PRDM7: variants seen among roughly 807,000 people sequenced by gnomAD.
PRDM7 encodes the protein histone-lysine N-methyltransferase PRDM7.
A neutral mutation model predicts 64.3 loss-of-function variants in PRDM7; 52 were observed. The ratio of observed to expected loss-of-function variants is 0.81; its 90% CI spans 0.65 to 1.02. The LOEUF (loss-of-function observed/expected upper bound fraction) is 1.02, where lower values mean the gene tolerates loss of function less well. Ranked by LOEUF, PRDM7 falls within the 50% of genes least tolerant of loss-of-function variation. The pLI is 0.00. For missense variants in PRDM7, 574 were observed against 597.1 expected (o/e 0.96, Z 0.40); for synonymous variants, 192 against 210.1 (o/e 0.91, Z 0.74).
chr16:90,068,321 C>T (rs2037906918), intron 4 of PRDM7, among the ~76,000 whole-genome samples: 1 of 149,720 alleles, frequency 6.7e-6, no homozygotes, highest in Non-Finnish European at 1.5e-5. Context: ...AAAGATTTTA[C>T]CAAAAAATTG....
rs1555656350 is a variant in PRDM7, at chr16:90,063,644, C to T, written c.476G>A (p.Ser159Asn). ...QKPVSPPGEASTSGQHSRLKL... is the reference protein window; with the variant it reads ...QKPVSPPGEANTSGQHSRLKL... ...TAGTCTAGAGTGCTGTCCAGAGGTA[C>T]TTGCTTCTCCAGGAGGGGACACTGG... The change falls in exon 6 of 11, where the codon AGT (serine) becomes AAT (asparagine). Residue 159 changes from serine (S) to asparagine (N), a missense_variant. Coordinates refer to ENST00000449207, the MANE Select transcript of PRDM7 (RefSeq NM_001098173.2). 7 of 1,613,764 alleles carry T rather than the reference C, an allele frequency of 4.3e-6. No homozygotes were observed. In the African/African-American group the frequency reaches 9.3e-5, roughly 22 times the overall value.
rs1243690335 is a variant in PRDM7 at position 90,057,480 on chromosome 16, C to T, written c.*809G>A. The T allele has an allele frequency of 1.6e-5, 3 of 185,670 alleles. No homozygotes were observed. The highest frequency in any genetic ancestry group is 3.4e-5 in the Non-Finnish European group (3 of 89,308). The allele number at this position is 185,670 out of a possible 1,614,324, so 11.5% of individuals were successfully genotyped here. A position where few individuals can be genotyped will look rare whatever the true frequency, so the allele number is the denominator to read the frequency against. ...TTCTCTGTGGCCCTTCTGGACTCTT[C>T]CTTCCTTCAGTGATAAGGGAAGAAT... is the stretch of plus-strand genomic sequence containing the variant. On this transcript the variant is annotated 3_prime_UTR_variant, in exon 11 of 11. Transcript: ENST00000449207.
intron 4 of PRDM7, among the ~76,000 whole-genome samples, chr16:90,068,943 G>T (rs1037444306): frequency 6.6e-6 from 1 of 151,214 alleles, no homozygotes; most frequent in Non-Finnish European, 1.5e-5. Context: ...CTATCAAAAT[G>T]ATTTATAGAT....
chr16:90,073,525 G>T (rs1466069649), intron 4 of PRDM7, among the ~76,000 whole-genome samples: 2 of 151,490 alleles, frequency 1.3e-5, no homozygotes, highest in Non-Finnish European at 2.9e-5. Flanking sequence ...TCAGCCTCCT[G>T]AGTAGCTGGG....
At chr16:90,070,930 A>G (rs1159575306) in intron 4 of PRDM7, among the ~76,000 whole-genome samples, 1 of 152,254 alleles carries the variant, frequency 6.6e-6, no homozygotes, top group African/African-American at 2.4e-5. Context: ...AAATATGCTT[A>G]ACATCACTAA....
rs997460639 is a variant in PRDM7, at chr16:90,067,244, G to A, written c.302-334C>T. On this transcript the variant is annotated intron_variant, in intron 4 of 10. Coordinates refer to ENST00000449207, the MANE Select transcript of PRDM7 (RefSeq NM_001098173.2). ...GACTCCCAAAGTGCTGAGATTACAG[G>A]CGTGAGCCACTATGCTTGGCCTAAC... Among the ~76,000 whole-genome samples, 11 of 151,158 alleles carry A rather than the reference G, an allele frequency of 7.3e-5. 1 individual carries two copies. The highest frequency in any genetic ancestry group is 2.7e-4 in the African/African-American group (11 of 40,588).
At chr16:90,068,100 A>G (rs2037904184) in intron 4 of PRDM7, among the ~76,000 whole-genome samples, 1 of 150,894 alleles carries the variant, frequency 6.6e-6, no homozygotes, top group Non-Finnish European at 1.5e-5. Context: ...AGATGACATG[A>G]TCTTACATGC....
intron 5 of PRDM7, 75 bp from the exon 6 acceptor site, chr16:90,063,843 T>C (rs1032624854): frequency 1.3e-6 from 2 of 1,538,470 alleles, no homozygotes; most frequent in Admixed American, 1.9e-5. Context: ...CATGTTTTCA[T>C]ATGACTGTAG....
intron 7 of PRDM7, 34 bp downstream of exon 7, chr16:90,062,367 G>A (rs2037795546): frequency 4.3e-6 from 7 of 1,613,744 alleles, no homozygotes; most frequent in African/African-American, 1.3e-5. Flanking sequence ...GGACATAACA[G>A]CAAGCTGTGT....
rs2037710114 is a variant in PRDM7 at position 90,058,049 on chromosome 16, T to C, written c.*240A>G. ...TAGGGCTTCCCCCCTGTGTGTGTCC[T>C]TTGGTGTGTAATAACATCTGACTTA... On this transcript the variant is annotated 3_prime_UTR_variant, in exon 11 of 11. Transcript: ENST00000449207. 1.9e-6 allele frequency: 3 copies of C among 1,612,238 alleles called. No homozygotes were observed. Among genetic ancestry groups the C allele is most frequent in the Non-Finnish European group, 2.5e-6 (3 of 1,178,686 alleles).
Position 90,069,280 on chromosome 16 carries a change from T to C in PRDM7, c.302-2370A>G, listed in dbSNP as rs1435281464. Among the ~76,000 whole-genome samples the C allele has an allele frequency of 2.0e-5, 3 of 151,288 alleles. 1 individual carries two copies. The highest frequency in any genetic ancestry group is 4.9e-5 in the African/African-American group (2 of 40,654). On this transcript the variant is annotated intron_variant, in intron 4 of 10. Transcript: ENST00000449207. ...GGAGGAAAGGACAGTCTGCAAGAAA[T>C]TGTGTTGGGAAAACTGGATATACAT... is the stretch of plus-strand genomic sequence containing the variant.
At chr16:90,058,825 G>T (rs867009499) in intron 10 of PRDM7, among the ~76,000 whole-genome samples, 28 of 152,168 alleles carry the variant, frequency 1.8e-4, no homozygotes, top group Middle Eastern at 3.2e-3. Flanking sequence ...AGATGGAACT[G>T]CAGTGACCTT....
At chr16:90,068,265 C>T (rs1002292400) in intron 4 of PRDM7, among the ~76,000 whole-genome samples, 4 of 149,752 alleles carry the variant, frequency 2.7e-5, no homozygotes, top group African/African-American at 7.5e-5. Flanking sequence ...GGCGACAGAG[C>T]GAGACTCCAT....
At chr16:90,071,907 T>G (rs2037962866) in intron 4 of PRDM7, among the ~76,000 whole-genome samples, 2 of 152,060 alleles carry the variant, frequency 1.3e-5, no homozygotes, top group South Asian at 4.2e-4. Context: ...TAAAAAGAAT[T>G]AAAGGCTGGG....
chr16:90,076,929 T>G (rs2038045000), intron 1 of PRDM7, among the ~76,000 whole-genome samples: 1 of 152,046 alleles, frequency 6.6e-6, no homozygotes, highest in South Asian at 2.1e-4. Context: ...CTCTGAGATA[T>G]TTAGGGTTCC....
intron 6 of PRDM7, 77 bp downstream of exon 6, chr16:90,063,535 C>A: frequency 3.9e-6 from 6 of 1,533,202 alleles, no homozygotes; most frequent in Admixed American, 1.7e-5. Flanking sequence ...CAAAGTCCAC[C>A]CCACATAGGT....
intron 5 of PRDM7, among the ~76,000 whole-genome samples, chr16:90,064,561 G>A (rs1434171987): frequency 1.3e-5 from 2 of 150,204 alleles, no homozygotes; most frequent in Non-Finnish European, 3.0e-5. Flanking sequence ...TTACAGGCAC[G>A]TGCCACCACA....
chr16:90,076,500 G>A (rs1303898730), intron 1 of PRDM7, among the ~76,000 whole-genome samples: 3 of 152,072 alleles, frequency 2.0e-5, no homozygotes, highest in African/African-American at 7.3e-5. Flanking sequence ...TATCTCTCAG[G>A]TTGAGATTTG....
intron 4 of PRDM7, among the ~76,000 whole-genome samples, chr16:90,069,385 G>T (rs115974380): frequency 6.6e-6 from 1 of 151,262 alleles, no homozygotes; most frequent in Non-Finnish European, 1.5e-5. Flanking sequence ...GAAATGTAAG[G>T]TCTATAAGTA....
Sources: gnomAD v4.1 joint callset for allele counts (sites outside exome capture counted in the v4.1 genomes callset) on GRCh38, gnomAD v4.1.1 for gene constraint, MANE v1.5 for transcripts, NCBI Gene and HGNC (gene_info 2026-07-23, HGNC 2026-07-21) for gene names.